The following GRIA1 variants were observed in gnomAD, a reference collection of about 807,000 sequenced individuals.
GRIA1 encodes the protein glutamate ionotropic receptor AMPA type subunit 1, also known as glutamate receptor 1.
Under a neutral mutation model 99.2 loss-of-function variants are expected in GRIA1, and 31 were observed. The ratio of observed to expected loss-of-function variants is 0.31; its 90% CI spans 0.23 to 0.42. The LOEUF is 0.42. Ranked by LOEUF, GRIA1 falls within the 10% of genes least tolerant of loss-of-function variation. The pLI, the probability that GRIA1 is intolerant of heterozygous loss-of-function variation, is 1.00. For synonymous variants in GRIA1, 438 were observed against 432.4 expected, an observed-to-expected ratio of 1.01 and a Z score of -0.16; for missense variants, 782 against 1,157.5, an observed-to-expected ratio of 0.68 and a Z score of 4.71.
chr5:153,710,586 C>T (rs1361921947), intron 11 of GRIA1, among the ~76,000 whole-genome samples: 1 of 152,168 alleles, frequency 6.6e-6, no homozygotes, highest in Non-Finnish European at 1.5e-5. Flanking sequence ...GAATAAAAAT[C>T]ATCACAGACA....
At chr5:153,792,223 T>C (rs749455105) in intron 13 of GRIA1, among the ~76,000 whole-genome samples, 1 of 152,218 alleles carries the variant, frequency 6.6e-6, no homozygotes, top group African/African-American at 2.4e-5. Context: ...CCCATCAATG[T>C]AGGATATAAA....
intron 2 of GRIA1, among the ~76,000 whole-genome samples, chr5:153,547,792 A>C (rs1174770569): frequency 6.6e-6 from 1 of 152,150 alleles, no homozygotes; most frequent in Non-Finnish European, 1.5e-5. Flanking sequence ...AGCTGGAAGG[A>C]TGTTATCACA....
intron 2 of GRIA1, among the ~76,000 whole-genome samples, chr5:153,594,622 C>T (rs559446261): frequency 6.6e-6 from 1 of 151,972 alleles, no homozygotes; most frequent in South Asian, 2.1e-4. Flanking sequence ...TTAATTTCTC[C>T]CTCTCCCTCC....
chr5:153,748,692 G>A (rs1479294802), intron 11 of GRIA1, among the ~76,000 whole-genome samples: 2 of 152,162 alleles, frequency 1.3e-5, no homozygotes, highest in Admixed American at 6.6e-5. Flanking sequence ...TGGGCTGGAT[G>A]TGTGGGTGAG....
intron 2 of GRIA1, among the ~76,000 whole-genome samples, chr5:153,636,978 G>A (rs1753409154): frequency 6.6e-6 from 1 of 152,206 alleles, no homozygotes; most frequent in Non-Finnish European, 1.5e-5. Flanking sequence ...CCACATGAAT[G>A]ACTCGGAGAA....
At chr5:153,629,366 G>T (rs1442740505) in intron 2 of GRIA1, among the ~76,000 whole-genome samples, 6 of 152,212 alleles carry the variant, frequency 3.9e-5, no homozygotes, top group Admixed American at 1.3e-4. Context: ...GAAGTGAGAA[G>T]ATTGGAAACA....
At chr5:153,720,163 A>C (rs1181627500) in intron 11 of GRIA1, among the ~76,000 whole-genome samples, 1 of 152,254 alleles carries the variant, frequency 6.6e-6, no homozygotes, top group Admixed American at 6.5e-5. Flanking sequence ...CTAAGGTTGA[A>C]GAAGTTCACA....
At chr5:153,713,205 A>G (rs551074798) in intron 11 of GRIA1, among the ~76,000 whole-genome samples, 1 of 152,360 alleles carries the variant, frequency 6.6e-6, no homozygotes, top group East Asian at 1.9e-4. Context: ...TGTGGCCTTC[A>G]AAGCAGGGGC....
At chr5:153,630,407 G>A (rs189741434) in intron 2 of GRIA1, among the ~76,000 whole-genome samples, 17 of 152,268 alleles carry the variant, frequency 1.1e-4, no homozygotes, top group Admixed American at 3.3e-4. Context: ...TTATTACTGC[G>A]TGGCTGTTGC....
intron 7 of GRIA1, among the ~76,000 whole-genome samples, chr5:153,677,737 A>G (rs182122902): frequency 5.4e-4 from 83 of 152,366 alleles, no homozygotes; most frequent in African/African-American, 1.9e-3. Context: ...GAATCCAGAT[A>G]CAACAGAGAG....
chr5:153,578,579 A>T (rs1762775714), intron 2 of GRIA1, among the ~76,000 whole-genome samples: 1 of 152,184 alleles, frequency 6.6e-6, no homozygotes, highest in Non-Finnish European at 1.5e-5. Context: ...GGAAGGTCAC[A>T]AGTAGAAAGG....
At chr5:153,528,665 CT>C (rs1757826604) in intron 2 of GRIA1, among the ~76,000 whole-genome samples, 1 of 152,194 alleles carries the variant, frequency 6.6e-6, no homozygotes, top group African/African-American at 2.4e-5. Context: ...CATTTCACTC[CT>C]GTGGTTCCTG....
At chr5:153,778,495 G>A (rs979036557) in intron 13 of GRIA1, among the ~76,000 whole-genome samples, 4 of 151,942 alleles carry the variant, frequency 2.6e-5, no homozygotes, top group Admixed American at 6.6e-5. Context: ...ACACCGTGGA[G>A]GTAATATTGT....
chr5:153,674,281 C>T (rs994892700), intron 5 of GRIA1, among the ~76,000 whole-genome samples: 5 of 152,180 alleles, frequency 3.3e-5, no homozygotes, highest in East Asian at 1.9e-4. Flanking sequence ...TGCATAGCAG[C>T]GCCAGCACTC....
At chr5:153,804,730 TTA>T (rs1237522976) in intron 15 of GRIA1, among the ~76,000 whole-genome samples, 68 of 34,790 alleles carry the variant, frequency 2.0e-3, no homozygotes, top group Middle Eastern at 0.031. Context: ...AATTAATTAA[TTA>T]ATTTATTTAT....
intron 11 of GRIA1, among the ~76,000 whole-genome samples, chr5:153,724,616 C>T (rs1760360617): frequency 2.0e-5 from 3 of 152,096 alleles, no homozygotes; most frequent in Admixed American, 2.0e-4. Flanking sequence ...GCCTCAGGAG[C>T]CGATGCGATC....
At chr5:153,636,891 G>A (rs11741456) in intron 2 of GRIA1, among the ~76,000 whole-genome samples, 11,356 of 152,260 alleles carry the variant, frequency 0.075, 556 homozygotes, top group Non-Finnish European at 0.11. Flanking sequence ...GGACTCTCAG[G>A]GGATGGAGTA....
intron 2 of GRIA1, among the ~76,000 whole-genome samples, chr5:153,596,153 A>G (rs1005909344): frequency 3.3e-5 from 5 of 152,238 alleles, no homozygotes; most frequent in Non-Finnish European, 7.3e-5. Flanking sequence ...GGCATCCCAG[A>G]AAAGGCTGGG....
chr5:153,655,915 G>A (rs1256173508), intron 5 of GRIA1, 43 bp downstream of exon 5: 2 of 1,577,670 alleles, frequency 1.3e-6, no homozygotes, highest in Non-Finnish European at 1.7e-6. Flanking sequence ...TCCTTTCCAG[G>A]TTTGGGGCCC....
Sources: allele counts gnomAD v4.1 joint callset (sites outside exome capture counted in the v4.1 genomes callset), GRCh38; gene constraint gnomAD v4.1.1; transcripts MANE v1.5; gene names NCBI Gene and HGNC (gene_info 2026-07-23, HGNC 2026-07-21).